ARHGEF10: variants seen among roughly 807,000 people sequenced by gnomAD.
ARHGEF10 encodes the protein Rho guanine nucleotide exchange factor (GEF) 10.
Under a neutral mutation model 147.4 loss-of-function variants are expected in ARHGEF10, and 140 were observed. The observed-to-expected ratio is 0.95, with a 90% CI of 0.83 to 1.09. The LOEUF (loss-of-function observed/expected upper bound fraction) is 1.09. Among genes scored for constraint, ARHGEF10 ranks in the 50% least tolerant of loss-of-function variants. The pLI is 0.00. For synonymous variants in ARHGEF10, 902 were observed against 695.8 expected (o/e 1.30, Z -4.67); for missense variants, 2,222 against 1,752.7 (o/e 1.27, Z -4.78).
chr8:1,862,716 C>T (rs1806234130), intron 4 of ARHGEF10, among the ~76,000 whole-genome samples: 1 of 152,010 alleles, frequency 6.6e-6, no homozygotes, highest in Admixed American at 6.5e-5. Flanking sequence ...TGTCCCTCTG[C>T]AAAACACAAG....
intron 25 of ARHGEF10, 138 bp downstream of exon 25, chr8:1,929,581 G>C: frequency 9.7e-7 from 1 of 1,029,764 alleles, no homozygotes; most frequent in African/African-American, 1.7e-5. Flanking sequence ...CGTCACCCTT[G>C]CCCAAGGCCC....
At chr8:1,833,282 A>G (rs1803361007) in intron 1 of ARHGEF10, among the ~76,000 whole-genome samples, 1 of 144,768 alleles carries the variant, frequency 6.9e-6, no homozygotes, top group South Asian at 2.2e-4. Flanking sequence ...AGACAGAGGT[A>G]GAGACAGAAG....
At chr8:1,951,918 G>GCCACCATGAGGCGGGGTCTTCCCTGTAA (rs1815081913) in intron 27 of ARHGEF10, among the ~76,000 whole-genome samples, 6 of 135,404 alleles carry the variant, frequency 4.4e-5, no homozygotes, top group Admixed American at 1.4e-4. Flanking sequence ...CTTCCTTGTA[G>GCCACCATGAGGCGGGGTCTTCCCTGTAA]CCACCGTGAG....
intron 2 of ARHGEF10, 35 bp downstream of exon 2, chr8:1,843,471 G>A (rs778286438): frequency 6.5e-7 from 1 of 1,537,936 alleles, no homozygotes. Context: ...TGTGGGTCAG[G>A]TTGTGCTGCT....
intron 8 of ARHGEF10, among the ~76,000 whole-genome samples, chr8:1,879,241 C>T (rs533810931): frequency 6.6e-6 from 1 of 152,176 alleles, no homozygotes; most frequent in South Asian, 2.1e-4. Flanking sequence ...CCAGGGGGTC[C>T]CCAGTCCCGT....
chr8:1,898,033 A>C (rs1810150790), intron 14 of ARHGEF10, among the ~76,000 whole-genome samples: 1 of 152,050 alleles, frequency 6.6e-6, no homozygotes, highest in South Asian at 2.1e-4. Flanking sequence ...CCCACTGCAC[A>C]TCCCTGATGT....
At chr8:1,908,585 A>G (rs182989281) in intron 17 of ARHGEF10, among the ~76,000 whole-genome samples, 1 of 152,160 alleles carries the variant, frequency 6.6e-6, no homozygotes, top group Admixed American at 6.5e-5. Context: ...CGTGATGATC[A>G]CTAAGTGAGA....
At chr8:1,902,716 A>C (rs1810567236) in intron 15 of ARHGEF10, among the ~76,000 whole-genome samples, 2 of 152,078 alleles carry the variant, frequency 1.3e-5, no homozygotes, top group African/African-American at 4.8e-5. Flanking sequence ...TGTGCTGTGC[A>C]TTCGGTGGGT....
intron 1 of ARHGEF10, among the ~76,000 whole-genome samples, chr8:1,831,914 G>A (rs7387636): frequency 0.44 from 67,644 of 152,030 alleles, 15,359 homozygotes; most frequent in Middle Eastern, 0.55. Context: ...GCCGGGTGGA[G>A]TTGGATGGGC....
chr8:1,939,266 C>T (rs111597392), intron 26 of ARHGEF10, among the ~76,000 whole-genome samples: 1 of 152,232 alleles, frequency 6.6e-6, no homozygotes, highest in African/African-American at 2.4e-5. Flanking sequence ...AGAAGCCATG[C>T]CCAACATCAG....
At chr8:1,848,408 C>G (rs1804720322) in intron 2 of ARHGEF10, among the ~76,000 whole-genome samples, 1 of 152,228 alleles carries the variant, frequency 6.6e-6, no homozygotes, top group African/African-American at 2.4e-5. Context: ...AAGCCGTTCT[C>G]TAATCCACGA....
At chr8:1,935,937 G>A (rs1423461349) in intron 26 of ARHGEF10, among the ~76,000 whole-genome samples, 3 of 152,242 alleles carry the variant, frequency 2.0e-5, no homozygotes, top group African/African-American at 7.2e-5. Flanking sequence ...GAGGGAGGCT[G>A]TGGTGCCTGA....
chr8:1,925,763 G>T (rs1812643759), intron 22 of ARHGEF10, among the ~76,000 whole-genome samples: 2 of 152,112 alleles, frequency 1.3e-5, no homozygotes, highest in South Asian at 4.1e-4. Context: ...GTAACTCCAG[G>T]TCTCCTGTCT....
intron 9 of ARHGEF10, among the ~76,000 whole-genome samples, chr8:1,882,200 C>G (rs1165884120): frequency 2.0e-5 from 3 of 152,234 alleles, no homozygotes; most frequent in East Asian, 1.9e-4. Context: ...TGAGGCGGCC[C>G]TGTCAACAGC....
At chr8:1,843,115 C>G (rs1275637942) in intron 1 of ARHGEF10, among the ~76,000 whole-genome samples, 9 of 152,230 alleles carry the variant, frequency 5.9e-5, no homozygotes, top group African/African-American at 1.9e-4. Context: ...AAACTTCTGG[C>G]TACATTTCAA....
chr8:1,879,992 C>G (rs1023990676), intron 8 of ARHGEF10, 56 bp from the exon 9 acceptor site: 2 of 1,245,940 alleles, frequency 1.6e-6, no homozygotes, highest in South Asian at 1.2e-5. Flanking sequence ...GTAAAATTGT[C>G]CCAAAGAACC....
At chr8:1,845,138 TA>T (rs1365454983) in intron 2 of ARHGEF10, among the ~76,000 whole-genome samples, 4 of 152,154 alleles carry the variant, frequency 2.6e-5, no homozygotes, top group Non-Finnish European at 5.9e-5. Flanking sequence ...AGACCCTGTC[TA>T]AAAAATAAAG....
chr8:1,945,408 GCCACGTGGAC>G, intron 26 of ARHGEF10, 63 bp from the exon 27 acceptor site: 2 of 1,531,878 alleles, frequency 1.3e-6, no homozygotes, highest in Non-Finnish European at 1.8e-6. Flanking sequence ...CCAGCTGGAC[GCCACGTGGAC>G]CCAACAGGCC....
At chr8:1,862,940 G>A (rs1180958428) in intron 4 of ARHGEF10, among the ~76,000 whole-genome samples, 4 of 151,644 alleles carry the variant, frequency 2.6e-5, no homozygotes, top group South Asian at 2.1e-4. Context: ...CACCACGCCC[G>A]GCTAATTTTT....
Sources: allele counts gnomAD v4.1 joint callset (sites outside exome capture counted in the v4.1 genomes callset), GRCh38; gene constraint gnomAD v4.1.1; transcripts MANE v1.5; gene names NCBI Gene and HGNC (gene_info 2026-07-23, HGNC 2026-07-21).